CSMD2: variants seen among roughly 807,000 people sequenced by gnomAD.
CSMD2 encodes CUB and sushi domain-containing protein 2.
Under a neutral mutation model 398.5 loss-of-function variants are expected in CSMD2, and 130 were observed. That is an observed-to-expected ratio of 0.33 (90% CI 0.28 to 0.38). The LOEUF (loss-of-function observed/expected upper bound fraction) is 0.38, where lower values mean the gene tolerates loss of function less well. Among genes scored for constraint, CSMD2 ranks in the 10% least tolerant of loss-of-function variants. The pLI is 1.00. For synonymous variants in CSMD2, 1,828 were observed against 1,908.5 expected, an observed-to-expected ratio of 0.96 and a Z score of 1.10; for missense variants, 3,829 against 4,764.9, an observed-to-expected ratio of 0.80 and a Z score of 5.78.
At chr1:33,613,025 T>C (rs1264022531) in intron 40 of CSMD2, among the ~76,000 whole-genome samples, 1 of 152,226 alleles carries the variant, frequency 6.6e-6, no homozygotes, top group Non-Finnish European at 1.5e-5. Context: ...GCGGAATTTC[T>C]GACTTGAACT....
Position 33,698,929 on chromosome 1 carries a change from T to G in CSMD2, c.3749A>C (p.Lys1250Thr). ...ELHFSSFELIKCEDPGTPKFG... is the reference protein window; with the variant it reads ...ELHFSSFELITCEDPGTPKFG... The stretch of plus-strand genomic sequence containing the variant: ...CTTGGGGGTTCCTGGGTCCTCACAT[T>G]TGATGAGTTCAAAGCCTGGTGAGGA... Residue 1250 changes from lysine to threonine, a missense_variant, in exon 24 of 71, where the codon AAA (lysine) becomes ACA (threonine). Transcript: ENST00000373381. 1.2e-6 allele frequency: 2 copies of G among 1,613,928 alleles called. No individual in the cohort carries two copies. Among genetic ancestry groups the G allele is most frequent in the Non-Finnish European group, 1.7e-6 (2 of 1,179,894 alleles).
chr1:33,720,167 C>T (rs149728392), intron 19 of CSMD2, among the ~76,000 whole-genome samples: 21 of 152,276 alleles, frequency 1.4e-4, no homozygotes, highest in African/African-American at 4.8e-4. Context: ...GGCCTGGGCT[C>T]AGTTCAATTT....
intron 1 of CSMD2, among the ~76,000 whole-genome samples, chr1:34,149,266 C>T (rs1640066515): frequency 6.6e-6 from 1 of 152,130 alleles, no homozygotes; most frequent in African/African-American, 2.4e-5. Context: ...TGCCTGCTCC[C>T]CGCCCTGGGT....
chr1:34,092,837 G>A (rs564715473), intron 1 of CSMD2, among the ~76,000 whole-genome samples: 1,759 of 152,232 alleles, frequency 0.012, 17 homozygotes, highest in African/African-American at 0.039. Context: ...GGGGAGGGGC[G>A]CCCACCATTG....
intron 5 of CSMD2, among the ~76,000 whole-genome samples, chr1:33,917,007 T>A (rs982807762): frequency 3.3e-5 from 5 of 152,130 alleles, no homozygotes; most frequent in African/African-American, 9.7e-5. Context: ...TCTCTGACTC[T>A]TGCAGACACC....
intron 6 of CSMD2, among the ~76,000 whole-genome samples, chr1:33,833,160 C>G (rs187808496): frequency 8.4e-6 from 1 of 119,206 alleles, no homozygotes; most frequent in East Asian, 2.6e-4. Context: ...ATGAGGCCGC[C>G]TCATACCTGA....
intron 12 of CSMD2, among the ~76,000 whole-genome samples, chr1:33,773,209 T>A (rs1162184007): frequency 6.6e-6 from 1 of 152,194 alleles, no homozygotes; most frequent in African/African-American, 2.4e-5. Flanking sequence ...AGATCTCAAG[T>A]ACAGTCCATT....
chr1:33,734,175 G>A (rs1420829669), intron 15 of CSMD2, among the ~76,000 whole-genome samples: 1 of 152,150 alleles, frequency 6.6e-6, no homozygotes, highest in Non-Finnish European at 1.5e-5. Flanking sequence ...CTTTATTACA[G>A]TACTTGCTTT....
chr1:33,882,921 G>C (rs1194714772), intron 5 of CSMD2, among the ~76,000 whole-genome samples: 1 of 152,092 alleles, frequency 6.6e-6, no homozygotes, highest in East Asian at 1.9e-4. Flanking sequence ...AGGCAATCAA[G>C]TTATCAAAGC....
At chr1:34,162,255 G>A (rs1228155004) in intron 1 of CSMD2, among the ~76,000 whole-genome samples, 2 of 151,814 alleles carry the variant, frequency 1.3e-5, no homozygotes, top group Non-Finnish European at 2.9e-5. Flanking sequence ...AGGCTGGGGT[G>A]GGGAGGGGGA....
intron 17 of CSMD2, among the ~76,000 whole-genome samples, 155 bp downstream of exon 17, chr1:33,725,194 A>G (rs1006538329): frequency 3.9e-5 from 6 of 152,182 alleles, no homozygotes; most frequent in Admixed American, 3.9e-4. Flanking sequence ...AGAGCAACAG[A>G]GTGCCTTCCC....
At chr1:33,741,908 C>T (rs1647081364) in intron 14 of CSMD2, among the ~76,000 whole-genome samples, 1 of 152,228 alleles carries the variant, frequency 6.6e-6, no homozygotes, top group Non-Finnish European at 1.5e-5. Context: ...GTTCTTCCTA[C>T]TCCGCCAGGG....
chr1:34,154,873 G>A (rs546431845), intron 1 of CSMD2, among the ~76,000 whole-genome samples: 3 of 152,064 alleles, frequency 2.0e-5, no homozygotes, highest in African/African-American at 7.2e-5. Flanking sequence ...GATTACAGGT[G>A]CACACCACCA....
intron 3 of CSMD2, among the ~76,000 whole-genome samples, chr1:33,952,207 C>T (rs1178263303): frequency 1.3e-5 from 2 of 152,126 alleles, no homozygotes; most frequent in Non-Finnish European, 2.9e-5. Context: ...GAAATGCCAC[C>T]AAGATAGCTA....
At chr1:33,768,549 T>C (rs1274976763) in intron 13 of CSMD2, among the ~76,000 whole-genome samples, 2 of 131,074 alleles carry the variant, frequency 1.5e-5, no homozygotes, top group East Asian at 2.0e-4. Flanking sequence ...TGTGTGTGTG[T>C]GTGTGTGTGT....
At chr1:34,054,062 C>T (rs2052195316) in intron 2 of CSMD2, among the ~76,000 whole-genome samples, 1 of 152,160 alleles carries the variant, frequency 6.6e-6, no homozygotes, top group Admixed American at 6.5e-5. Context: ...TCCAACTATT[C>T]CTAAATGTCA....
Position 33,622,186 on chromosome 1 carries a change from G to GTACT in CSMD2, c.5807_5808insAGTA (p.Phe1937ValfsTer22), listed in dbSNP as rs1641815084. ...TCTCACTTTTGTACTCCAAGTGGAA[G>GTACT]CCAGCTGCAGATACGCTGATATCTG... On this transcript the variant is annotated frameshift_variant, in exon 37 of 71. Coordinates refer to ENST00000373381, the MANE Select transcript of CSMD2 (RefSeq NM_001281956.2). LOFTEE classifies it high-confidence loss of function. 6.2e-7 allele frequency: 1 copy of GTACT among 1,613,598 alleles called. No individual in the cohort carries two copies. The highest frequency in any genetic ancestry group is 8.5e-7 in the Non-Finnish European group (1 of 1,179,616).
chr1:33,608,284 G>A (rs1640766263), intron 41 of CSMD2, among the ~76,000 whole-genome samples: 2 of 152,186 alleles, frequency 1.3e-5, no homozygotes. Flanking sequence ...GGAGCACAGC[G>A]AGTGGCTGGT....
At chr1:33,896,693 A>C (rs1165815599) in intron 5 of CSMD2, among the ~76,000 whole-genome samples, 2 of 152,156 alleles carry the variant, frequency 1.3e-5, no homozygotes, top group Non-Finnish European at 2.9e-5. Context: ...TTGAAGTGTG[A>C]GGATCTGGCT....
Sources: allele counts gnomAD v4.1 joint callset (sites outside exome capture counted in the v4.1 genomes callset), GRCh38; gene constraint gnomAD v4.1.1; transcripts MANE v1.5; gene names NCBI Gene and HGNC (gene_info 2026-07-23, HGNC 2026-07-21).